The following SIDT1 variants were observed in gnomAD, a reference collection of about 807,000 sequenced individuals.
SIDT1 encodes the protein SID1 transmembrane family member 1.
Under a neutral mutation model 107.5 loss-of-function variants are expected in SIDT1, and 101 were observed. The ratio of observed to expected loss-of-function variants is 0.94; its 90% CI spans 0.80 to 1.11. The LOEUF (loss-of-function observed/expected upper bound fraction) is 1.11, where lower values mean the gene tolerates loss of function less well. Among genes scored for constraint, SIDT1 ranks in the 50% least tolerant of loss-of-function variants. SIDT1 has a pLI of 0.00. For synonymous variants in SIDT1, 395 were observed against 398.2 expected, an observed-to-expected ratio of 0.99 and a Z score of 0.10; for missense variants, 1,076 against 1,058.2, an observed-to-expected ratio of 1.02 and a Z score of -0.23.
chr3:113,566,563 C>A, intron 2 of SIDT1, 22 bp downstream of exon 2: 1 of 1,609,232 alleles, frequency 6.2e-7, no homozygotes, highest in Non-Finnish European at 8.5e-7. Flanking sequence ...TTCTTCCAGG[C>A]AACTTCACTA....
chr3:113,597,375 T>C (rs1279379636), intron 10 of SIDT1, among the ~76,000 whole-genome samples: 3 of 151,760 alleles, frequency 2.0e-5, no homozygotes, highest in Non-Finnish European at 4.4e-5. Context: ...CATGTACCTG[T>C]AGTCCCAGCT....
intron 3 of SIDT1, among the ~76,000 whole-genome samples, chr3:113,569,712 C>T (rs1357263266): frequency 6.6e-6 from 1 of 152,142 alleles, no homozygotes; most frequent in Non-Finnish European, 1.5e-5. Context: ...GCAAAGGACA[C>T]TCTATCCTCC....
At position 113,533,032 on chromosome 3, in the gene SIDT1, G is replaced by T; in HGVS notation, c.11G>T (p.Cys4Phe). The T allele has an allele frequency of 7.3e-7, 1 of 1,376,054 alleles. No homozygotes were observed. Among genetic ancestry groups the T allele is most frequent in the Non-Finnish European group, 9.4e-7 (1 of 1,067,572 alleles). 85.2% of individuals were successfully genotyped at this position (1,376,054 alleles called of 1,614,324 possible). Residue 4 changes from cysteine to phenylalanine, a missense_variant, in exon 1 of 25, where the codon TGC becomes TTC. By Grantham distance (205) the Cys-to-Phe change is radical. Coordinates refer to ENST00000264852, the MANE Select transcript of SIDT1 (RefSeq NM_017699.3). ...GGCGCGGTGCCCACCATGCGCGGCT[G>T]CCTGCGGCTCGCGCTGCTCTGCGCG... MRG[C>F]LRLALLCALP...
At chr3:113,597,185 G>A (rs540836065) in intron 10 of SIDT1, among the ~76,000 whole-genome samples, 1 of 152,060 alleles carries the variant, frequency 6.6e-6, no homozygotes, top group Non-Finnish European at 1.5e-5. Flanking sequence ...AGTTGGGATA[G>A]GTAGGCAATT....
At chr3:113,562,348 C>G (rs1036045580) in intron 1 of SIDT1, among the ~76,000 whole-genome samples, 2 of 152,180 alleles carry the variant, frequency 1.3e-5, no homozygotes, top group Non-Finnish European at 2.9e-5. Context: ...CCATGTCTCC[C>G]AGCAATTCTA....
chr3:113,564,275 G>A (rs768437692), intron 1 of SIDT1, among the ~76,000 whole-genome samples: 2 of 152,200 alleles, frequency 1.3e-5, no homozygotes, highest in Non-Finnish European at 2.9e-5. Flanking sequence ...TGGTGGGGGT[G>A]TATGGGAAAT....
intron 1 of SIDT1, among the ~76,000 whole-genome samples, chr3:113,536,634 G>T (rs777991894): frequency 6.6e-6 from 1 of 152,202 alleles, no homozygotes; most frequent in Non-Finnish European, 1.5e-5. Context: ...ATACCAAACT[G>T]TCCCAGAGAA....
In SIDT1 at chr3:113,604,939, C is replaced by T. The variant is rs555593391; in HGVS notation, c.1367C>T (p.Ala456Val). Reference sequence around the variant, plus strand: ...ATCATCACCATTGCTGTGTTTTACGCGCTGCCCGTGATCCAGCTGGTCATT... The same window carrying T: ...ATCATCACCATTGCTGTGTTTTACGTGCTGCCCGTGATCCAGCTGGTCATT... ...WNIITIAVFY[A>V]LPVIQLVITY... is the part of the protein sequence containing the mutation. The change falls in exon 14 of 25, where the codon GCG becomes GTG. Residue 456 changes from alanine to valine, a missense_variant. Ala to Val is a moderately conservative substitution (Grantham distance 64). Transcript: ENST00000264852. The T allele has an allele frequency of 1.4e-5, 22 of 1,614,048 alleles. No homozygotes were observed. Among genetic ancestry groups the T allele is most frequent in the Middle Eastern group, 1.6e-4 (1 of 6,062 alleles).
intron 9 of SIDT1, among the ~76,000 whole-genome samples, chr3:113,588,402 A>T (rs1943894634): frequency 6.6e-6 from 1 of 152,234 alleles, no homozygotes; most frequent in Non-Finnish European, 1.5e-5. Flanking sequence ...TAAAAACCAT[A>T]TGAAGCTACT....
intron 1 of SIDT1, among the ~76,000 whole-genome samples, chr3:113,558,925 A>G (rs563316183): frequency 6.6e-6 from 1 of 152,264 alleles, no homozygotes; most frequent in Non-Finnish European, 1.5e-5. Flanking sequence ...ACAAAGTTAA[A>G]TAAATGAGAA....
At chr3:113,580,576 A>G (rs767997176) in intron 4 of SIDT1, 32 bp from the exon 5 acceptor site, 1 of 1,348,826 alleles carries the variant, frequency 7.4e-7, no homozygotes, top group East Asian at 2.3e-5. Context: ...TCATGTAAAT[A>G]TAAATCATGT....
intron 13 of SIDT1, among the ~76,000 whole-genome samples, chr3:113,604,456 GT>G (rs2107679040): frequency 6.6e-6 from 1 of 152,298 alleles, no homozygotes; most frequent in African/African-American, 2.4e-5. Flanking sequence ...ACACTCTGAT[GT>G]TTAATCTAAC....
At chr3:113,606,255 C>T (rs941283802) in intron 14 of SIDT1, among the ~76,000 whole-genome samples, 6 of 152,110 alleles carry the variant, frequency 3.9e-5, no homozygotes, top group Admixed American at 3.3e-4. Flanking sequence ...AATGCAGTGG[C>T]CCTCAGACTT....
At chr3:113,548,433 A>G (rs765398644) in intron 1 of SIDT1, among the ~76,000 whole-genome samples, 3 of 151,810 alleles carry the variant, frequency 2.0e-5, no homozygotes, top group Non-Finnish European at 4.4e-5. Flanking sequence ...GTTTTGTTTT[A>G]TTTTTACTGT....
intron 1 of SIDT1, among the ~76,000 whole-genome samples, chr3:113,536,477 T>C (rs1938181833): frequency 6.6e-6 from 1 of 152,218 alleles, no homozygotes; most frequent in African/African-American, 2.4e-5. Flanking sequence ...TTAATCTTTG[T>C]TTTCCTCTTT....
At chr3:113,553,525 C>G (rs891924041) in intron 1 of SIDT1, among the ~76,000 whole-genome samples, 1 of 152,136 alleles carries the variant, frequency 6.6e-6, no homozygotes, top group African/African-American at 2.4e-5. Flanking sequence ...AGATCTGCCT[C>G]AAACCAGAAA....
intron 19 of SIDT1, chr3:113,615,021 C>G (rs1560131136): frequency 6.5e-7 from 1 of 1,535,076 alleles, no homozygotes; most frequent in Admixed American, 2.0e-5. Flanking sequence ...TTACACGTCT[C>G]TCTTTTTTTT....
Position 113,541,462 on chromosome 3 carries a change from G to C in SIDT1, c.222+8219G>C, listed in dbSNP as rs553195447. On this transcript the variant is annotated intron_variant, in intron 1 of 24. Coordinates refer to ENST00000264852, the MANE Select transcript of SIDT1 (RefSeq NM_017699.3). ...TGAGATTACAGGCGTCAGCCTCCGG[G>C]CCCGGCCAGTACATATATATTTAAA... 7.8e-4 allele frequency among the ~76,000 whole-genome samples: 119 copies of C among 152,256 alleles called. 1 individual carries two copies. Among genetic ancestry groups the C allele is most frequent in the African/African-American group, 1.9e-3 (78 of 41,554 alleles).
intron 3 of SIDT1, among the ~76,000 whole-genome samples, chr3:113,568,511 A>G (rs548993703): frequency 2.6e-5 from 4 of 151,322 alleles, no homozygotes; most frequent in African/African-American, 9.7e-5. Flanking sequence ...GGAGAATGGC[A>G]TGAACCTGGG....
Sources: allele counts gnomAD v4.1 joint callset (sites outside exome capture counted in the v4.1 genomes callset), GRCh38; gene constraint gnomAD v4.1.1; transcripts MANE v1.5; gene names NCBI Gene and HGNC (gene_info 2026-07-23, HGNC 2026-07-21).